The following MCM9 variants were observed in gnomAD, a reference collection of about 807,000 sequenced individuals.
The protein encoded by MCM9 is DNA helicase MCM9.
MCM9 carries 55 observed loss-of-function variants against 72.8 expected under a neutral mutation model. The observed-to-expected ratio is 0.76, with a 90% CI of 0.61 to 0.95. MCM9 has a LOEUF of 0.95. Ranked by LOEUF, MCM9 falls within the 40% of genes least tolerant of loss-of-function variation. The pLI is 0.00. For synonymous variants in MCM9, 480 were observed against 503.4 expected, an observed-to-expected ratio of 0.95 and a Z score of 0.62; for missense variants, 1,279 against 1,377.0, an observed-to-expected ratio of 0.93 and a Z score of 1.13.
chr6:118,907,994 T>A (rs983539751), intron 8 of MCM9: 1 of 158,498 alleles, frequency 6.3e-6, no homozygotes, highest in African/African-American at 2.4e-5. Flanking sequence ...AAGAACAAAG[T>A]TTACTTCAAC....
At chr6:118,877,113 A>C (rs540103505) in intron 8 of MCM9, among the ~76,000 whole-genome samples, 1 of 152,342 alleles carries the variant, frequency 6.6e-6, no homozygotes, top group African/African-American at 2.4e-5. Context: ...GTGTGGACAG[A>C]AAGTGAGGAC....
At chr6:118,824,034 CCTTTTTT>C (rs1562399382) in intron 13 of MCM9, among the ~76,000 whole-genome samples, 5 of 120,096 alleles carry the variant, frequency 4.2e-5, no homozygotes, top group Admixed American at 1.0e-4. Flanking sequence ...AGCAAACCCA[CCTTTTTT>C]TTTTTTTTTT....
chr6:118,927,658 T>G (rs1038108073), intron 3 of MCM9, among the ~76,000 whole-genome samples: 10 of 151,668 alleles, frequency 6.6e-5, no homozygotes, highest in African/African-American at 2.4e-4. Flanking sequence ...TTCAATGTGA[T>G]GAAGTGATGT....
At position 118,815,050 on chromosome 6, in the gene MCM9, G is replaced by C. The variant is rs528211061; in HGVS notation, c.3206C>G (p.Ser1069Cys). Residue 1069 changes from serine to cysteine, a missense_variant, in exon 14 of 14, where the codon TCC (serine) becomes TGC (cysteine). Physicochemically the swap from Ser to Cys is moderately radical, Grantham distance 112. Transcript: ENST00000619706. ...TTCAGGAGGAGGGGATTTTGATTTGGATTCCGATGGGGGAGTAAAGCAGAA... is the reference window on the plus strand; with the variant it reads ...TTCAGGAGGAGGGGATTTTGATTTGCATTCCGATGGGGGAGTAAAGCAGAA... The part of the protein sequence containing the change: ...ANFCFTPPSE[S>C]KSKSPPPERK... 2 of 1,550,416 alleles carry C rather than the reference G, an allele frequency of 1.3e-6. No homozygotes were observed. The highest frequency in any genetic ancestry group is 2.0e-5 in the Admixed American group (1 of 50,970).
chr6:118,917,643 C>A lies in MCM9; in HGVS notation c.822G>T (p.Gln274His). The A allele has an allele frequency of 1.2e-6, 2 of 1,614,190 alleles. No homozygotes were observed. The highest frequency in any genetic ancestry group is 1.7e-6 in the Non-Finnish European group (2 of 1,180,008). ...CCTCATCCATGATGATCCCTGAGGACTGCTCATTATTTACTTGGATGTAAT... is the reference window on the plus strand; with the variant it reads ...CCTCATCCATGATGATCCCTGAGGAATGCTCATTATTTACTTGGATGTAAT... Reference protein sequence around the residue: ...KANYIQVNNEQSSGIIMDEEV... With the variant: ...KANYIQVNNEHSSGIIMDEEV... Residue 274 changes from glutamine to histidine, a missense_variant, in exon 6 of 14, where the codon CAG becomes CAT. Transcript: ENST00000619706.
intron 9 of MCM9, among the ~76,000 whole-genome samples, chr6:118,834,051 C>A (rs1774781155): frequency 6.6e-6 from 1 of 151,750 alleles, no homozygotes; most frequent in African/African-American, 2.4e-5. Flanking sequence ...GTGTGATGTT[C>A]CCCTCCCCGT....
intron 8 of MCM9, among the ~76,000 whole-genome samples, chr6:118,861,324 A>G (rs1018262146): frequency 1.3e-5 from 2 of 152,142 alleles, no homozygotes; most frequent in African/African-American, 2.4e-5. Context: ...GGGAGCCCCA[A>G]TGTTTGGGCA....
In MCM9 at chr6:118,841,805, G is replaced by C. The variant is rs961370317; in HGVS notation, c.1326-12555C>G. On this transcript the variant is annotated intron_variant, in intron 9 of 13. Transcript: ENST00000619706. ...CATTGTTTAGTGCTCAAAAAGATAC[G>C]TCTACTGAGCAAAACAAGAGCTATC... 1.3e-5 allele frequency among the ~76,000 whole-genome samples: 2 copies of C among 150,800 alleles called. 1 individual carries two copies. Among genetic ancestry groups the C allele is most frequent in the Admixed American group, 1.3e-4 (2 of 15,154 alleles).
chr6:118,910,689 T>A (rs1350912524), intron 8 of MCM9: 2 of 985,276 alleles, frequency 2.0e-6, no homozygotes, highest in East Asian at 2.3e-4. Flanking sequence ...ATGGGAAATA[T>A]TCTTTATATA....
intron 9 of MCM9, among the ~76,000 whole-genome samples, chr6:118,842,743 C>T (rs888516534): frequency 2.1e-4 from 32 of 152,070 alleles, no homozygotes; most frequent in African/African-American, 7.2e-4. Flanking sequence ...TGGTCTTGAA[C>T]TACGAGCCTC....
chr6:118,861,316 G>T (rs893865392), intron 8 of MCM9, among the ~76,000 whole-genome samples: 1 of 152,204 alleles, frequency 6.6e-6, no homozygotes, highest in Non-Finnish European at 1.5e-5. Flanking sequence ...CTGGCTCAGG[G>T]AGCCCCAATG....
In MCM9 at chr6:118,909,364, C is replaced by T. The variant is rs181298109; in HGVS notation, c.1150+2286G>A. On this transcript the variant is annotated intron_variant, in intron 8 of 13. Transcript: ENST00000619706. ...AATGGACAACCAATTTTCACTTAAGCTTGGGACATGCGAACCATTACCTTT... is the reference window on the plus strand; with the variant it reads ...AATGGACAACCAATTTTCACTTAAGTTTGGGACATGCGAACCATTACCTTT... Among the ~76,000 whole-genome samples, 357 of 152,286 alleles carry T rather than the reference C, an allele frequency of 2.3e-3. 2 individuals are homozygous for T. The highest frequency in any genetic ancestry group is 8.1e-3 in the African/African-American group (337 of 41,552).
intron 9 of MCM9, among the ~76,000 whole-genome samples, chr6:118,837,155 T>G (rs558925360): frequency 2.8e-4 from 43 of 152,374 alleles, no homozygotes; most frequent in African/African-American, 1.0e-3. Context: ...AGGAGCAGTT[T>G]CCATGTAGTT....
intron 8 of MCM9, among the ~76,000 whole-genome samples, chr6:118,870,698 T>C (rs1232731734): frequency 2.0e-5 from 3 of 151,660 alleles, no homozygotes; most frequent in African/African-American, 7.3e-5. Context: ...GGTTGACTTT[T>C]AAAAAATAAA....
chr6:118,913,212 G>A (rs1583645767), intron 7 of MCM9, 83 bp downstream of exon 7: 13 of 1,478,728 alleles, frequency 8.8e-6, no homozygotes, highest in East Asian at 4.6e-5. Context: ...AAAACCCAAC[G>A]AGCAGTTTTT....
At chr6:118,834,742 T>A (rs1774836504) in intron 9 of MCM9, among the ~76,000 whole-genome samples, 2 of 152,152 alleles carry the variant, frequency 1.3e-5, no homozygotes, top group South Asian at 4.1e-4. Context: ...CTTTGTAGAT[T>A]CTGGATATTA....
chr6:118,879,248 GAAAA>G (rs36165777), intron 8 of MCM9, among the ~76,000 whole-genome samples: 1 of 145,220 alleles, frequency 6.9e-6, no homozygotes, highest in African/African-American at 2.5e-5. Context: ...AATGGAGGGG[GAAAA>G]AAAAAAAAAA....
chr6:118,853,030 T>C (rs1583437132), intron 9 of MCM9, among the ~76,000 whole-genome samples: 1 of 152,226 alleles, frequency 6.6e-6, no homozygotes, highest in Non-Finnish European at 1.5e-5. Context: ...CCATCAAGAT[T>C]TACCTATCCA....
intron 8 of MCM9, among the ~76,000 whole-genome samples, chr6:118,868,680 G>C (rs566501908): frequency 6.6e-6 from 1 of 152,112 alleles, no homozygotes; most frequent in Non-Finnish European, 1.5e-5. Flanking sequence ...CATCATCACT[G>C]GTCATTAGAG....
Sources: allele counts gnomAD v4.1 joint callset (sites outside exome capture counted in the v4.1 genomes callset), GRCh38; gene constraint gnomAD v4.1.1; transcripts MANE v1.5; gene names NCBI Gene and HGNC (gene_info 2026-07-23, HGNC 2026-07-21).